The following CDH13 variants were observed in gnomAD, a reference collection of about 807,000 sequenced individuals.
CDH13 encodes the protein cadherin 13, also known as cadherin-13.
A neutral mutation model predicts 63.8 loss-of-function variants in CDH13; 24 were observed. The ratio of observed to expected loss-of-function variants is 0.38; its 90% CI spans 0.27 to 0.53. CDH13 has a LOEUF of 0.53. Ranked by LOEUF, CDH13 falls within the 20% of genes least tolerant of loss-of-function variation. CDH13 has a pLI of 0.85. For missense variants in CDH13, 1,049 were observed against 903.1 expected (o/e 1.16, Z -2.07); for synonymous variants, 503 against 355.3 (o/e 1.42, Z -4.67).
intron 5 of CDH13, among the ~76,000 whole-genome samples, chr16:83,271,474 C>G (rs190944247): frequency 4.7e-5 from 4 of 85,046 alleles, no homozygotes; most frequent in Non-Finnish European, 9.2e-5. Context: ...TGTTAGAGCC[C>G]CAATCCTGCA....
intron 10 of CDH13, among the ~76,000 whole-genome samples, chr16:83,690,281 T>A (rs2150889846): frequency 6.6e-6 from 1 of 152,204 alleles, no homozygotes; most frequent in Admixed American, 6.5e-5. Flanking sequence ...TAACTGGTGA[T>A]TAATGCAAAG....
chr16:83,146,690 C>T (rs8052949), intron 4 of CDH13, among the ~76,000 whole-genome samples: 72 of 152,072 alleles, frequency 4.7e-4, no homozygotes, highest in African/African-American at 1.6e-3. Flanking sequence ...GATTTAGTTG[C>T]AAATACCAAT....
At position 83,556,843 on chromosome 16, in the gene CDH13, T is replaced by C. The variant is rs556666407; in HGVS notation, c.961-45611T>C. Reference sequence around the variant, plus strand: ...AGTCTCAGCTGATGCCAGGGAACTTTACAGCAAAGGAAACGTTGAAGCGCC... The same window carrying C: ...AGTCTCAGCTGATGCCAGGGAACTTCACAGCAAAGGAAACGTTGAAGCGCC... On this transcript the variant is annotated intron_variant, in intron 7 of 13. Coordinates refer to ENST00000567109, the MANE Select transcript of CDH13 (RefSeq NM_001257.5). 2.9e-3 allele frequency among the ~76,000 whole-genome samples: 446 copies of C among 152,352 alleles called. 3 individuals carry two copies. The highest frequency in any genetic ancestry group is 0.01 in the African/African-American group (426 of 41,582).
chr16:82,769,623 T>C (rs761747857), intron 1 of CDH13, among the ~76,000 whole-genome samples: 28 of 152,344 alleles, frequency 1.8e-4, no homozygotes, highest in Middle Eastern at 6.8e-3. Context: ...GGATGAATGC[T>C]ACTTTTCTTA....
intron 1 of CDH13, among the ~76,000 whole-genome samples, chr16:82,703,556 C>A (rs892237124): frequency 6.6e-6 from 1 of 152,196 alleles, no homozygotes; most frequent in Non-Finnish European, 1.5e-5. Flanking sequence ...GGTACCTGGA[C>A]TGATAATGCT....
intron 7 of CDH13, among the ~76,000 whole-genome samples, chr16:83,541,360 G>T (rs2075292486): frequency 6.6e-6 from 1 of 152,140 alleles, no homozygotes; most frequent in African/African-American, 2.4e-5. Flanking sequence ...AATGTTCATT[G>T]CATGTCTTCA....
chr16:82,789,800 C>A (rs947389302), intron 1 of CDH13, among the ~76,000 whole-genome samples: 15 of 152,152 alleles, frequency 9.9e-5, no homozygotes, highest in African/African-American at 3.6e-4. Context: ...TTTTGAGAGC[C>A]TTCATGTCTC....
intron 2 of CDH13, among the ~76,000 whole-genome samples, chr16:82,983,923 G>A (rs908879129): frequency 6.6e-6 from 1 of 152,140 alleles, no homozygotes. Context: ...ATGTAAAGAG[G>A]GCTTTTCCTG....
chr16:83,357,562 C>G (rs1043430772), intron 6 of CDH13, among the ~76,000 whole-genome samples: 2 of 152,086 alleles, frequency 1.3e-5, no homozygotes, highest in African/African-American at 2.4e-5. Flanking sequence ...AGCAGTGGTC[C>G]AAGTTTGAAT....
intron 1 of CDH13, among the ~76,000 whole-genome samples, chr16:82,774,550 C>T (rs947261341): frequency 1.3e-4 from 20 of 152,186 alleles, no homozygotes; most frequent in African/African-American, 4.8e-4. Context: ...TTATTTCATT[C>T]AACAAGCATT....
At chr16:83,763,702 A>G (rs1429440999) in intron 11 of CDH13, among the ~76,000 whole-genome samples, 1 of 152,166 alleles carries the variant, frequency 6.6e-6, no homozygotes, top group Non-Finnish European at 1.5e-5. Context: ...CTGTGATATT[A>G]ATTGAGGAGG....
At chr16:83,732,948 C>G (rs1178501877) in intron 10 of CDH13, among the ~76,000 whole-genome samples, 1 of 152,234 alleles carries the variant, frequency 6.6e-6, no homozygotes, top group African/African-American at 2.4e-5. Context: ...TGAGGCCACT[C>G]ACTGCCTACA....
At chr16:82,949,268 TC>T (rs1905056803) in intron 2 of CDH13, among the ~76,000 whole-genome samples, 1 of 152,276 alleles carries the variant, frequency 6.6e-6, no homozygotes, top group Middle Eastern at 3.4e-3. Context: ...CCCCAGGTGT[TC>T]CTTGGCTTGT....
At chr16:83,363,321 CAT>C (rs1346262935) in intron 6 of CDH13, among the ~76,000 whole-genome samples, 1 of 152,084 alleles carries the variant, frequency 6.6e-6, no homozygotes, top group Non-Finnish European at 1.5e-5. Flanking sequence ...AAAAAGAAAA[CAT>C]ATAAAGCAGT....
At chr16:83,244,913 G>C (rs1904835635) in intron 5 of CDH13, among the ~76,000 whole-genome samples, 2 of 152,026 alleles carry the variant, frequency 1.3e-5, no homozygotes, top group South Asian at 4.2e-4. Flanking sequence ...CCAAATCCCT[G>C]ACCTCCAGAA....
At chr16:83,671,571 T>C (rs962281305) in intron 9 of CDH13, among the ~76,000 whole-genome samples, 1 of 152,336 alleles carries the variant, frequency 6.6e-6, no homozygotes, top group East Asian at 1.9e-4. Flanking sequence ...TTAAATGAAA[T>C]TCTTTATACA....
chr16:82,924,553 G>T (rs2042248333), intron 2 of CDH13, among the ~76,000 whole-genome samples: 1 of 152,080 alleles, frequency 6.6e-6, no homozygotes, highest in Non-Finnish European at 1.5e-5. Context: ...CTTCCTATCT[G>T]TGTTGTCAAT....
At chr16:82,921,015 T>C (rs189558300) in intron 2 of CDH13, among the ~76,000 whole-genome samples, 1 of 152,312 alleles carries the variant, frequency 6.6e-6, no homozygotes, top group East Asian at 1.9e-4. Flanking sequence ...CTCTAGTCTA[T>C]TAATTAAGCT....
intron 5 of CDH13, among the ~76,000 whole-genome samples, chr16:83,278,614 G>A (rs771096701): frequency 6.6e-5 from 10 of 152,142 alleles, no homozygotes; most frequent in Admixed American, 1.3e-4. Context: ...GTCTAAATCC[G>A]TTCTCTCTTT....
Sources: allele counts gnomAD v4.1 joint callset (sites outside exome capture counted in the v4.1 genomes callset), GRCh38; gene constraint gnomAD v4.1.1; transcripts MANE v1.5; gene names NCBI Gene and HGNC (gene_info 2026-07-23, HGNC 2026-07-21).